The following KMT2C variants were observed in gnomAD, a reference collection of about 807,000 sequenced individuals.
KMT2C encodes the protein lysine methyltransferase 2C.
In KMT2C, 88 loss-of-function variants were observed where a neutral mutation model predicts 507.9. That is an observed-to-expected ratio of 0.17 (90% CI 0.15 to 0.21). The LOEUF (loss-of-function observed/expected upper bound fraction) is 0.21, where lower values mean the gene tolerates loss of function less well. Among genes scored for constraint, KMT2C ranks in the 10% least tolerant of loss-of-function variants. KMT2C has a pLI of 1.00. For synonymous variants in KMT2C, 2,049 were observed against 2,080.8 expected, an observed-to-expected ratio of 0.98 and a Z score of 0.42; for missense variants, 4,954 against 5,957.8, an observed-to-expected ratio of 0.83 and a Z score of 5.55.
At position 152,187,757 on chromosome 7, in the gene KMT2C, C is replaced by T. The variant is rs1456277608; in HGVS notation, c.4751G>A (p.Gly1584Glu). Residue 1584 changes from glycine (G) to glutamate (E), a missense_variant, in exon 32 of 59, where the codon GGA becomes GAA. Physicochemically the swap from Gly to Glu is moderately conservative, Grantham distance 98 (BLOSUM62 -2). Coordinates refer to ENST00000262189, the MANE Select transcript of KMT2C (RefSeq NM_170606.3). ...GGATTGTGCAATTGCAGAGAAAGTTCCCAGTCCGCTTCCAGGTGGCAAAGA... is the reference window on the plus strand; with the variant it reads ...GGATTGTGCAATTGCAGAGAAAGTTTCCAGTCCGCTTCCAGGTGGCAAAGA... ...HNSLPPGSGL[G>E]TFSAIAQSSY... The T allele has an allele frequency of 3.7e-6, 6 of 1,613,950 alleles. No homozygotes were observed. The highest frequency in any genetic ancestry group is 5.1e-6 in the Non-Finnish European group (6 of 1,179,992).
rs2093458410 is a variant in KMT2C at position 152,182,254 on chromosome 7, G to C, written c.5606C>G (p.Ser1869Cys). The C allele has an allele frequency of 6.2e-7, 1 of 1,614,084 alleles. No individual in the cohort carries two copies. The highest frequency in any genetic ancestry group is 1.3e-5 in the African/African-American group (1 of 75,048). Reference sequence around the variant, plus strand: ...GGGTGGCTGAGAAGTCTGAGCCTGAGAAAGACTATCCTGGATGGGAATCCG... The same window carrying C: ...GGGTGGCTGAGAAGTCTGAGCCTGACAAAGACTATCCTGGATGGGAATCCG... ...PSRIPIQDSL[S>C]QAQTSQPPSP... is the part of the protein sequence containing the mutation. The change falls in exon 36 of 59, where the codon TCT (serine) becomes TGT (cysteine). Residue 1869 changes from serine to cysteine, a missense_variant. Ser to Cys is a moderately radical substitution (Grantham distance 112). Coordinates refer to ENST00000262189, the MANE Select transcript of KMT2C (RefSeq NM_170606.3).
intron 44 of KMT2C, 99 bp downstream of exon 44, chr7:152,158,764 C>T (rs943543023): frequency 7.3e-6 from 8 of 1,091,314 alleles, no homozygotes; most frequent in Non-Finnish European, 1.1e-5. Context: ...ATCCACCTGC[C>T]TCAGCCTCCC....
At chr7:152,249,778 C>T (rs74531122) in intron 13 of KMT2C, 98 bp downstream of exon 13, 8 of 440,408 alleles carry the variant, frequency 1.8e-5, no homozygotes, top group Admixed American at 6.8e-5. Context: ...ATTTAGTTAC[C>T]GTAATGTATA....
chr7:152,314,057 G>A (rs1221452819), intron 4 of KMT2C, among the ~76,000 whole-genome samples: 2 of 152,052 alleles, frequency 1.3e-5, no homozygotes. Context: ...GTACTCAACT[G>A]ACAACTAAAG....
chr7:152,150,993 G>T lies in KMT2C; in HGVS notation c.12681C>A (p.Ser4227Arg). The T allele has an allele frequency of 6.2e-7, 1 of 1,605,324 alleles. No homozygotes were observed. The change falls in exon 51 of 59, where the codon AGC becomes AGA. Residue 4227 changes from serine (S) to arginine (R), a missense_variant. Coordinates refer to ENST00000262189, the MANE Select transcript of KMT2C (RefSeq NM_170606.3). Reference protein sequence around the residue: ...LTLLNKDSRESTKRVEKDIVF... With the variant: ...LTLLNKDSRERTKRVEKDIVF... ...CAATGTCCTTCTCTACCCTCTTGGTGCTTTCTCGGGAATCCTGAAAAGCAA... is the reference window on the plus strand; with the variant it reads ...CAATGTCCTTCTCTACCCTCTTGGTTCTTTCTCGGGAATCCTGAAAAGCAA...
chr7:152,385,611 CAAAAAAAAAAAAAAAAAAAAAA>C (rs1160527130), intron 1 of KMT2C, among the ~76,000 whole-genome samples: 7 of 19,442 alleles, frequency 3.6e-4, no homozygotes, highest in Middle Eastern at 0.045. Context: ...GACTCCGTCT[CAAAAAAAAAAAAAAAAAAAAAA>C]AAAAAAAAAA....
rs2097820900 is a variant in KMT2C, at chr7:152,426,506, G to A, written c.161+9120C>T. On this transcript the variant is annotated intron_variant, in intron 1 of 58. Transcript: ENST00000262189. ...CCCACCTTTGCTTCCCAAAGCACTG[G>A]GATTACAGGTGTGAGCCAACATACC... Among the ~76,000 whole-genome samples the A allele has an allele frequency of 2.6e-5, 4 of 151,860 alleles. No homozygotes were observed. In the South Asian group the frequency reaches 6.2e-4, roughly 24 times the overall value.
chr7:152,238,030 T>C (rs1193076451), intron 15 of KMT2C, among the ~76,000 whole-genome samples: 2 of 152,290 alleles, frequency 1.3e-5, no homozygotes, highest in Non-Finnish European at 2.9e-5. Context: ...TAAAAAACAA[T>C]AGTTCTTCCA....
chr7:152,205,859 A>C (rs1406631534), intron 24 of KMT2C, among the ~76,000 whole-genome samples: 2 of 152,184 alleles, frequency 1.3e-5, no homozygotes, highest in African/African-American at 4.8e-5. Flanking sequence ...TCTGTATATT[A>C]ACCGGCTAAC....
chr7:152,145,054 A>G (rs977667803), intron 54 of KMT2C, 99 bp downstream of exon 54: 5 of 1,472,636 alleles, frequency 3.4e-6, no homozygotes, highest in South Asian at 2.6e-5. Flanking sequence ...ATACACAGCC[A>G]GACAGCAGGG....
intron 10 of KMT2C, 34 bp from the exon 11 acceptor site, chr7:152,252,124 T>C (rs1295485945): frequency 8.7e-6 from 13 of 1,493,952 alleles, no homozygotes; most frequent in Admixed American, 2.0e-5. Flanking sequence ...TAAAAATTTC[T>C]AACATCGAGT....
intron 2 of KMT2C, among the ~76,000 whole-genome samples, chr7:152,341,507 T>C (rs967020397): frequency 1.3e-5 from 2 of 152,134 alleles, no homozygotes; most frequent in Non-Finnish European, 2.9e-5. Context: ...AGTCCAGAAG[T>C]GACCCATATG....
intron 1 of KMT2C, among the ~76,000 whole-genome samples, chr7:152,433,496 C>G (rs2097884538): frequency 6.6e-6 from 1 of 152,142 alleles, no homozygotes; most frequent in Non-Finnish European, 1.5e-5. Flanking sequence ...AGATTCCATT[C>G]CCTTCAAAAG....
intron 6 of KMT2C, among the ~76,000 whole-genome samples, chr7:152,307,266 G>A (rs1036228268): frequency 2.6e-4 from 30 of 116,634 alleles, no homozygotes; most frequent in East Asian, 2.5e-3. Flanking sequence ...AGGAAGGAAG[G>A]AAGGAAGAAA....
Position 152,180,824 on chromosome 7 carries a change from C to A in KMT2C, c.7036G>T (p.Gly2346Cys), listed in dbSNP as rs889687560. The change falls in exon 36 of 59, where the codon GGC (glycine) becomes TGC (cysteine). Residue 2346 changes from glycine to cysteine, a missense_variant. By Grantham distance (159) the Gly-to-Cys change is radical (BLOSUM62 -3). Around this residue, in one of 29 missense-constraint regions of KMT2C, gnomAD observed 1,689 missense variants for 1,654.3 expected, o/e 1.02. Coordinates refer to ENST00000262189, the MANE Select transcript of KMT2C (RefSeq NM_170606.3). ...TGGGAGACACCAGAGAACTGCTGGC[C>A]TTGGGAGTGCATTGGAGAGTTTGAA... ...ASSNSPMHSQGQQFSGVSQLP... is the reference protein window; with the variant it reads ...ASSNSPMHSQCQQFSGVSQLP... The A allele has an allele frequency of 6.2e-7, 1 of 1,614,152 alleles. No individual in the cohort carries two copies. The highest frequency in any genetic ancestry group is 8.5e-7 in the Non-Finnish European group (1 of 1,180,028).
rs1239199296 is a variant in KMT2C, at chr7:152,297,062, AG to A, written c.849+12903del. The stretch of plus-strand genomic sequence containing the variant: ...GAAAGAAAGAAAGAAAGACAGAGAG[AG>A]AGAGAGAGAGAGAGAGAGAGAGAGA... On this transcript the variant is annotated intron_variant, in intron 6 of 58. Coordinates refer to ENST00000262189, the MANE Select transcript of KMT2C (RefSeq NM_170606.3). Among the ~76,000 whole-genome samples, 500 of 107,622 alleles carry A rather than the reference AG, an allele frequency of 4.6e-3. 8 individuals carry two copies. The highest frequency in any genetic ancestry group is 0.024 in the African/African-American group (478 of 20,318). The allele number at this position is 107,622 out of a possible 152,430, so 70.6% of individuals were successfully genotyped here.
intron 31 of KMT2C, among the ~76,000 whole-genome samples, chr7:152,188,203 G>C (rs938934277): frequency 4.6e-5 from 7 of 152,276 alleles, no homozygotes; most frequent in Middle Eastern, 6.8e-3. Context: ...AATACTTAAA[G>C]AGTGACTTTT....
intron 40 of KMT2C, 119 bp downstream of exon 40, chr7:152,171,145 G>T: frequency 3.7e-6 from 2 of 535,354 alleles, no homozygotes; most frequent in Non-Finnish European, 6.2e-6. Flanking sequence ...GGTGAAATCC[G>T]CATTTACTTC....
At chr7:152,301,147 G>T (rs1464025481) in intron 6 of KMT2C, among the ~76,000 whole-genome samples, 1 of 151,172 alleles carries the variant, frequency 6.6e-6, no homozygotes, top group Non-Finnish European at 1.5e-5. Flanking sequence ...AGAACTGCTT[G>T]GGCCCAGGAA....
Sources: gnomAD v4.1 joint callset for allele counts (sites outside exome capture counted in the v4.1 genomes callset) on GRCh38, gnomAD v4.1.1 for gene constraint, gnomAD v4.1.1 regional missense constraint, MANE v1.5 for transcripts, NCBI Gene and HGNC (gene_info 2026-07-23, HGNC 2026-07-21) for gene names.